NEDD9: variants seen among roughly 807,000 people sequenced by gnomAD.
NEDD9 encodes the protein neural precursor cell expressed, developmentally down-regulated 9.
Under a neutral mutation model 76.6 loss-of-function variants are expected in NEDD9, and 26 were observed. The ratio of observed to expected loss-of-function variants is 0.34; its 90% CI spans 0.25 to 0.47. The LOEUF (loss-of-function observed/expected upper bound fraction) is 0.47, where lower values mean the gene tolerates loss of function less well. Among genes scored for constraint, NEDD9 ranks in the 20% least tolerant of loss-of-function variants. The pLI is 1.00. For missense variants in NEDD9, 937 were observed against 1,058.5 expected, an observed-to-expected ratio of 0.89 and a Z score of 1.59; for synonymous variants, 392 against 414.2, an observed-to-expected ratio of 0.95 and a Z score of 0.65.
At chr6:11,299,776 A>T (rs1760994137) in intron 3 of NEDD9, among the ~76,000 whole-genome samples, 1 of 152,358 alleles carries the variant, frequency 6.6e-6, no homozygotes, top group African/African-American at 2.4e-5. Flanking sequence ...GGGGTCTGTA[A>T]GAAGGAAAAC....
At position 11,201,820 on chromosome 6, in the gene NEDD9, C is replaced by T. The variant is rs527810232; in HGVS notation, c.460-8128G>A. On this transcript the variant is annotated intron_variant, in intron 2 of 6. Coordinates refer to ENST00000379446, the MANE Select transcript of NEDD9 (RefSeq NM_006403.4). The stretch of plus-strand genomic sequence containing the variant: ...CAGACCTGTTCTAGATTCTATGTCC[C>T]GTGATTCCTCTGAGTCTAAGTCTCT... Among the ~76,000 whole-genome samples, 9 of 144,958 alleles carry T rather than the reference C, an allele frequency of 6.2e-5. No homozygotes were observed. The South Asian group carries it at 1.7e-3, about 27-fold the overall frequency.
intron 2 of NEDD9, among the ~76,000 whole-genome samples, chr6:11,331,597 G>A (rs973773128): frequency 2.0e-5 from 3 of 152,088 alleles, no homozygotes; most frequent in Non-Finnish European, 4.4e-5. Flanking sequence ...GGAGGAAACT[G>A]AAGATGTTTA....
intron 1 of NEDD9, among the ~76,000 whole-genome samples, chr6:11,369,546 C>T (rs890111730): frequency 1.3e-5 from 2 of 152,100 alleles, no homozygotes; most frequent in Non-Finnish European, 2.9e-5. Flanking sequence ...AAAATTTGAG[C>T]CAGTTTTCAA....
chr6:11,357,639 T>G (rs1762600926), intron 1 of NEDD9, among the ~76,000 whole-genome samples: 2 of 152,194 alleles, frequency 1.3e-5, no homozygotes, highest in South Asian at 4.1e-4. Context: ...AAAGTAACTT[T>G]TAAAAAAGAT....
At chr6:11,327,520 C>A (rs1371389797) in intron 2 of NEDD9, among the ~76,000 whole-genome samples, 1 of 152,206 alleles carries the variant, frequency 6.6e-6, no homozygotes, top group Non-Finnish European at 1.5e-5. Context: ...TCTTCACAGT[C>A]AATAGACCTC....
intron 2 of NEDD9, among the ~76,000 whole-genome samples, chr6:11,320,298 TG>T (rs1482342750): frequency 6.6e-6 from 1 of 152,226 alleles, no homozygotes; most frequent in African/African-American, 2.4e-5. Flanking sequence ...TTGAGAATTT[TG>T]ATGGTTGTGG....
chr6:11,361,050 C>T (rs1244695769), intron 1 of NEDD9, among the ~76,000 whole-genome samples: 2 of 152,168 alleles, frequency 1.3e-5, no homozygotes, highest in African/African-American at 4.8e-5. Flanking sequence ...TTGCCATTTA[C>T]TTTTGGTGCA....
intron 4 of NEDD9, 37 bp downstream of exon 4, chr6:11,192,308 C>T (rs776440997): frequency 1.0e-6 from 1 of 983,308 alleles, no homozygotes; most frequent in Non-Finnish European, 1.5e-6. Flanking sequence ...GACACACACA[C>T]ACACTCCTTT....
At chr6:11,188,043 C>T (rs912644182) in intron 6 of NEDD9, among the ~76,000 whole-genome samples, 175 bp downstream of exon 6, 1 of 152,210 alleles carries the variant, frequency 6.6e-6, no homozygotes, top group African/African-American at 2.4e-5. Context: ...CCCAGTTGAA[C>T]TAACAAGGTC....
chr6:11,275,545 TACAC>T (rs71550763), intron 3 of NEDD9, among the ~76,000 whole-genome samples: 3 of 149,822 alleles, frequency 2.0e-5, no homozygotes, highest in Admixed American at 1.3e-4. Flanking sequence ...AATACATACA[TACAC>T]ACACACACAC....
intron 1 of NEDD9, among the ~76,000 whole-genome samples, chr6:11,340,051 A>G (rs553000872): frequency 1.3e-4 from 20 of 152,160 alleles, no homozygotes; most frequent in Non-Finnish European, 2.6e-4. Flanking sequence ...GACCTTCAGA[A>G]TTCCCTTCCC....
At chr6:11,227,079 T>C (rs1759328501) in intron 1 of NEDD9, among the ~76,000 whole-genome samples, 1 of 152,198 alleles carries the variant, frequency 6.6e-6, no homozygotes, top group Non-Finnish European at 1.5e-5. Context: ...AGCAAAGTCT[T>C]GTAATTTCAG....
At position 11,375,756 on chromosome 6, in the gene NEDD9, C is replaced by T. The variant is rs145093326; in HGVS notation, c.-214+6383G>A. On this transcript the variant is annotated intron_variant, in intron 1 of 3. Coordinates refer to the NEDD9 transcript ENST00000397378. ...ATTGTAACCTTCCTGAGGCCTCACC[C>T]GAAGCAGATGCCAGCACCATGCTTT... Among the ~76,000 whole-genome samples, 225 of 152,298 alleles carry T rather than the reference C, an allele frequency of 1.5e-3. 1 individual carries two copies. The highest frequency in any genetic ancestry group is 0.01 in the Middle Eastern group (3 of 294).
At chr6:11,200,423 T>A in intron 2 of NEDD9, 1 of 754,094 alleles carries the variant, frequency 1.3e-6, no homozygotes, top group Non-Finnish European at 1.8e-6. Flanking sequence ...ACAAATGTAC[T>A]GAAAATACAA....
intron 2 of NEDD9, among the ~76,000 whole-genome samples, chr6:11,326,420 G>A (rs1418531209): frequency 6.6e-6 from 1 of 152,170 alleles, no homozygotes; most frequent in Non-Finnish European, 1.5e-5. Flanking sequence ...ACACTGGTAT[G>A]TTTGGCCCCA....
chr6:11,264,303 T>C (rs1760164414), intron 3 of NEDD9, among the ~76,000 whole-genome samples: 1 of 152,120 alleles, frequency 6.6e-6, no homozygotes, highest in South Asian at 2.1e-4. Context: ...CTGAGTGAGA[T>C]GGCGCCCCCA....
At chr6:11,374,920 A>G (rs185361256) in intron 1 of NEDD9, among the ~76,000 whole-genome samples, 21 of 151,990 alleles carry the variant, frequency 1.4e-4, no homozygotes, top group Middle Eastern at 3.4e-3. Flanking sequence ...TTTTGTTTTT[A>G]TTTTTTAATC....
intron 3 of NEDD9, among the ~76,000 whole-genome samples, chr6:11,258,003 G>A (rs1436969487): frequency 1.3e-5 from 2 of 152,154 alleles, no homozygotes; most frequent in Non-Finnish European, 2.9e-5. Flanking sequence ...CTTCCACAGA[G>A]TTGGAATATC....
At chr6:11,312,494 G>A (rs1234109776) in intron 2 of NEDD9, among the ~76,000 whole-genome samples, 10 of 152,022 alleles carry the variant, frequency 6.6e-5, no homozygotes. Flanking sequence ...TACTGCATTG[G>A]CCCTTGAGAC....
Sources: allele counts gnomAD v4.1 joint callset (sites outside exome capture counted in the v4.1 genomes callset), GRCh38; gene constraint gnomAD v4.1.1; transcripts MANE v1.5; gene names NCBI Gene and HGNC (gene_info 2026-07-23, HGNC 2026-07-21).